SPINK5: variants seen among roughly 807,000 people sequenced by gnomAD.
SPINK5 encodes serine protease inhibitor Kazal-type 5.
Under a neutral mutation model 151.8 loss-of-function variants are expected in SPINK5, and 125 were observed. The ratio of observed to expected loss-of-function variants is 0.82; its 90% CI spans 0.71 to 0.96. The LOEUF (loss-of-function observed/expected upper bound fraction) is 0.96, where lower values mean the gene tolerates loss of function less well. Ranked by LOEUF, SPINK5 falls within the 40% of genes least tolerant of loss-of-function variation. The pLI, the probability that SPINK5 is intolerant of heterozygous loss-of-function variation, is 0.00. For missense variants in SPINK5, 1,194 were observed against 1,291.9 expected (o/e 0.92, Z 1.16); for synonymous variants, 374 against 395.3 (o/e 0.95, Z 0.64).
intron 29 of SPINK5, among the ~76,000 whole-genome samples, chr5:148,126,307 A>AGTG (rs1554107068): frequency 6.6e-6 from 1 of 150,582 alleles, no homozygotes; most frequent in Non-Finnish European, 1.5e-5. Flanking sequence ...GGACATTATA[A>AGTG]ATGATGATGA....
chr5:148,089,671 T>C, intron 7 of SPINK5, 50 bp downstream of exon 7: 1 of 1,610,476 alleles, frequency 6.2e-7, no homozygotes, highest in East Asian at 2.2e-5. Flanking sequence ...ACTTGGTTGC[T>C]GTCCCGAGAA....
chr5:148,090,153 A>G (rs1753271674), intron 7 of SPINK5, among the ~76,000 whole-genome samples: 1 of 151,922 alleles, frequency 6.6e-6, no homozygotes, highest in Non-Finnish European at 1.5e-5. Context: ...CTTGGGCATT[A>G]AAGACGCAGA....
At chr5:148,136,181 T>C (rs1176494088) in intron 32 of SPINK5, among the ~76,000 whole-genome samples, 1 of 152,204 alleles carries the variant, frequency 6.6e-6, no homozygotes, top group Non-Finnish European at 1.5e-5. Flanking sequence ...TTATCTCAAT[T>C]AAAAGATGAT....
Position 148,125,868 on chromosome 5 carries a change from G to A in SPINK5, c.2867+18G>A. ...GCTGTCTTGTGAGTAAGAGGATTCT[G>A]CTCCCCCTGTAGCTAGCAGGGGAAC... is the stretch of plus-strand genomic sequence containing the variant. On this transcript the variant is annotated intron_variant, in intron 29 of 32. Transcript: ENST00000256084. The A allele has an allele frequency of 1.2e-6, 2 of 1,614,134 alleles. No individual in the cohort carries two copies. Among genetic ancestry groups the A allele is most frequent in the Non-Finnish European group, 1.7e-6 (2 of 1,180,008 alleles).
intron 4 of SPINK5, among the ~76,000 whole-genome samples, chr5:148,079,138 T>G (rs993309518): frequency 6.6e-6 from 1 of 151,026 alleles, no homozygotes; most frequent in African/African-American, 2.4e-5. Flanking sequence ...ATGAATATTA[T>G]GAAAAATATT....
intron 7 of SPINK5, 41 bp downstream of exon 7, chr5:148,089,662 C>G: frequency 6.2e-7 from 1 of 1,610,698 alleles, no homozygotes; most frequent in Non-Finnish European, 8.5e-7. Flanking sequence ...TGATGATGCA[C>G]TTGGTTGCTG....
intron 4 of SPINK5, among the ~76,000 whole-genome samples, chr5:148,079,935 A>T (rs556942794): frequency 6.6e-6 from 1 of 151,126 alleles, no homozygotes; most frequent in Non-Finnish European, 1.5e-5. Flanking sequence ...TAATTAATTA[A>T]TTAAAGACAC....
At chr5:148,122,043 T>C (rs550568393) in intron 26 of SPINK5, among the ~76,000 whole-genome samples, 1 of 151,412 alleles carries the variant, frequency 6.6e-6, no homozygotes, top group South Asian at 2.1e-4. Flanking sequence ...AGAACTACCG[T>C]TTTATCTACA....
At chr5:148,117,907 A>G (rs1754138495) in intron 22 of SPINK5, among the ~76,000 whole-genome samples, 1 of 151,364 alleles carries the variant, frequency 6.6e-6, no homozygotes, top group African/African-American at 2.4e-5. Flanking sequence ...CCTTGTGTAG[A>G]TCCTTAAAAG....
In SPINK5 at chr5:148,101,303, A is replaced by C. The variant is rs1014825162; in HGVS notation, c.1221-52A>C. ...TAAATTATATTTGAGATCACTTCTA[A>C]TGTGGCGATTCTATGATTTTTACTT... On this transcript the variant is annotated intron_variant, in intron 13 of 32. Coordinates refer to ENST00000256084, the MANE Select transcript of SPINK5 (RefSeq NM_006846.4). 1.0e-5 allele frequency: 13 copies of C among 1,278,334 alleles called. No individual in the cohort carries two copies. The African/African-American group carries it at 1.7e-4, about 17-fold the overall frequency. 79.2% of individuals were successfully genotyped at this position (1,278,334 alleles called of 1,614,324 possible).
At chr5:148,127,505 C>G (rs926053217) in intron 30 of SPINK5, among the ~76,000 whole-genome samples, 6 of 152,120 alleles carry the variant, frequency 3.9e-5, no homozygotes, top group Non-Finnish European at 8.8e-5. Flanking sequence ...AGCATGCTCA[C>G]AGGTATAAAT....
At chr5:148,083,088 G>A (rs1439131928) in intron 4 of SPINK5, among the ~76,000 whole-genome samples, 2 of 150,528 alleles carry the variant, frequency 1.3e-5, no homozygotes, top group African/African-American at 2.4e-5. Flanking sequence ...GTTATTGTTT[G>A]ACATATTTAA....
intron 20 of SPINK5, 30 bp from the exon 21 acceptor site, chr5:148,114,332 T>A (rs536448369): frequency 6.3e-7 from 1 of 1,599,650 alleles, no homozygotes; most frequent in Non-Finnish European, 8.5e-7. Context: ...CAGAAGATAC[T>A]CAAGCTTTCT....
intron 26 of SPINK5, among the ~76,000 whole-genome samples, chr5:148,121,811 A>T (rs1018887537): frequency 2.1e-5 from 2 of 93,916 alleles, no homozygotes; most frequent in South Asian, 5.3e-4. Context: ...ATAATAATTA[A>T]AAAAAAAATA....
chr5:148,089,272 A>G (rs1194880567), intron 6 of SPINK5: 1 of 613,796 alleles, frequency 1.6e-6, no homozygotes, highest in Admixed American at 2.1e-5. Context: ...TCTGGCACAT[A>G]GTAGGTTATC....
chr5:148,094,037 A>G (rs1034984536), intron 8 of SPINK5, among the ~76,000 whole-genome samples: 4 of 151,986 alleles, frequency 2.6e-5, no homozygotes, highest in African/African-American at 7.2e-5. Context: ...GTTCATGCCT[A>G]TAATTTCAAC....
chr5:148,083,925 C>T (rs79959172), intron 4 of SPINK5, among the ~76,000 whole-genome samples: 1,585 of 151,828 alleles, frequency 0.01, 33 homozygotes, highest in African/African-American at 0.035. Flanking sequence ...TTGTACCTAT[C>T]CCATCTTTAT....
intron 26 of SPINK5, among the ~76,000 whole-genome samples, 153 bp from the exon 27 acceptor site, chr5:148,123,680 G>A (rs1321334557): frequency 6.6e-6 from 1 of 151,472 alleles, no homozygotes; most frequent in African/African-American, 2.4e-5. Context: ...GGTAGAGATT[G>A]AATAAAGTGC....
rs11168019 is a variant in SPINK5, at chr5:148,097,697, A to G, written c.883-170A>G. ...ATTCCTAACTTAAGCATTCGTTGAA[A>G]ATGTAAATGGATATTACAAGGAGAG... On this transcript the variant is annotated intron_variant, in intron 10 of 32. Coordinates refer to ENST00000256084, the MANE Select transcript of SPINK5 (RefSeq NM_006846.4). 0.46 allele frequency among the ~76,000 whole-genome samples: 70,381 copies of G among 151,798 alleles called. 17,087 individuals carry two copies. The highest frequency in any genetic ancestry group is 0.59 in the Admixed American group (8,990 of 15,232).
Sources: gnomAD v4.1 joint callset for allele counts (sites outside exome capture counted in the v4.1 genomes callset) on GRCh38, gnomAD v4.1.1 for gene constraint, MANE v1.5 for transcripts, NCBI Gene and HGNC (gene_info 2026-07-23, HGNC 2026-07-21) for gene names.